PIGN: variants seen among roughly 807,000 people sequenced by gnomAD.
PIGN encodes phosphatidylinositol glycan anchor biosynthesis class N.
In PIGN, 117 loss-of-function variants were observed where a neutral mutation model predicts 125.4. The observed-to-expected ratio is 0.93, with a 90% CI of 0.80 to 1.09. The LOEUF (loss-of-function observed/expected upper bound fraction) is 1.09, where lower values mean the gene tolerates loss of function less well. Ranked by LOEUF, PIGN falls within the 50% of genes least tolerant of loss-of-function variation. The probability of loss-of-function intolerance (pLI) is 0.00; values close to 1 mark genes in which losing one functional copy is unlikely to be tolerated. For missense variants in PIGN, 1,075 were observed against 1,094.9 expected (o/e 0.98, Z 0.26); for synonymous variants, 392 against 377.8 (o/e 1.04, Z -0.44).
In PIGN at chr18:62,044,230, A is replaced by G. The variant is rs182920425; in HGVS notation, c.*1626T>C. ...ATAAAAAAACTGAGCACCCTTTACAATGTTGTAATAAAATATTTATTAATT... is the reference window on the plus strand; with the variant it reads ...ATAAAAAAACTGAGCACCCTTTACAGTGTTGTAATAAAATATTTATTAATT... On this transcript the variant is annotated 3_prime_UTR_variant, in exon 31 of 31. Coordinates refer to ENST00000640252, the MANE Select transcript of PIGN (RefSeq NM_176787.5). The G allele has an allele frequency of 2.0e-5, 3 of 152,340 alleles. No individual in the cohort carries two copies. Among genetic ancestry groups the G allele is most frequent in the African/African-American group, 7.2e-5 (3 of 41,586 alleles). The allele number at this position is 152,340 out of a possible 1,614,324, so 9.4% of individuals were successfully genotyped here.
chr18:62,069,232 TA>T (rs10711178), intron 30 of PIGN, among the ~76,000 whole-genome samples: 4,551 of 152,314 alleles, frequency 0.03, 221 homozygotes, highest in African/African-American at 0.1. Context: ...TCAAGCTAAT[TA>T]AAGAAAATCT....
At chr18:62,154,702 A>G (rs2036660620) in intron 6 of PIGN, 51 bp from the exon 7 acceptor site, 1 of 868,538 alleles carries the variant, frequency 1.2e-6, no homozygotes, top group Non-Finnish European at 1.9e-6. Flanking sequence ...CTTTTAAACT[A>G]TCATAAAATA....
chr18:62,134,666 T>C (rs2147068703), intron 14 of PIGN, among the ~76,000 whole-genome samples: 1 of 152,334 alleles, frequency 6.6e-6, no homozygotes, highest in East Asian at 1.9e-4. Context: ...CACATGACTA[T>C]TTAAATACTG....
At chr18:62,038,919 AAATAAT>A (rs10601031), downstream of PIGN, among the ~76,000 whole-genome samples, 4,924 of 144,702 alleles carry the variant, frequency 0.034, 149 homozygotes, top group African/African-American at 0.076. Context: ...CCCTGTCTCA[AAATAAT>A]AATAATAATA....
chr18:62,057,248 T>G (rs1171583306), intron 30 of PIGN, among the ~76,000 whole-genome samples: 1 of 152,124 alleles, frequency 6.6e-6, no homozygotes, highest in African/African-American at 2.4e-5. Flanking sequence ...AATTTAAATT[T>G]TATATATGCA....
chr18:62,129,824 G>T (rs976935094), intron 14 of PIGN, among the ~76,000 whole-genome samples: 1 of 152,174 alleles, frequency 6.6e-6, no homozygotes, highest in Non-Finnish European at 1.5e-5. Context: ...AATTTCTGTT[G>T]AGAGTTAAAT....
At chr18:62,152,855 T>TAC (rs2147408082) in intron 7 of PIGN, among the ~76,000 whole-genome samples, 1 of 62,956 alleles carries the variant, frequency 1.6e-5, no homozygotes, top group South Asian at 6.9e-4. Flanking sequence ...ATTTTGCATA[T>TAC]ATATATATAT....
chr18:62,138,244 T>G lies in PIGN; in HGVS notation c.1171A>C (p.Lys391Gln), dbSNP rs1376643986. ...VTLPFLFTPF[K>Q]LLSDSKQFNI... ...AATAAAAAAATGTAAGGGACTTACT[T>G]AAATGGTGTAAACAAAAATGGTAAA... Residue 391 changes from lysine (K) to glutamine (Q), a missense_variant and splice_region_variant, in exon 14 of 31, where the codon AAA becomes CAA. Physicochemically the swap from Lys to Gln is moderately conservative, Grantham distance 53 (BLOSUM62 1). Transcript: ENST00000640252. 1 of 1,546,794 alleles carries G rather than the reference T, an allele frequency of 6.5e-7. No homozygotes were observed. The highest frequency in any genetic ancestry group is 8.7e-7 in the Non-Finnish European group (1 of 1,145,640).
At chr18:62,037,001 T>A (rs140834185), downstream of PIGN, among the ~76,000 whole-genome samples, 1 of 152,324 alleles carries the variant, frequency 6.6e-6, no homozygotes, top group African/African-American at 2.4e-5. Context: ...ATCCCCACTC[T>A]GCTTGACTAG....
At chr18:62,175,588 T>C (rs114167886) in intron 1 of PIGN, among the ~76,000 whole-genome samples, 10 of 152,222 alleles carry the variant, frequency 6.6e-5, no homozygotes, top group African/African-American at 2.4e-4. Flanking sequence ...CTCACCTCAT[T>C]ATGGCATCCC....
intron 30 of PIGN, chr18:62,072,357 G>GT (rs2032928686): frequency 5.4e-6 from 1 of 185,278 alleles, no homozygotes; most frequent in South Asian, 1.9e-4. Flanking sequence ...TCCATTCATG[G>GT]TAAGTGTCCT....
intron 1 of PIGN, among the ~76,000 whole-genome samples, chr18:62,185,782 T>C (rs1348186824): frequency 1.4e-5 from 2 of 141,640 alleles, no homozygotes; most frequent in African/African-American, 5.1e-5. Context: ...CTTTACCTTT[T>C]CAGATCATAA....
chr18:62,180,217 A>C (rs1332559092), intron 1 of PIGN, among the ~76,000 whole-genome samples: 1 of 152,226 alleles, frequency 6.6e-6, no homozygotes, highest in Non-Finnish European at 1.5e-5. Context: ...AAAATATAGA[A>C]TATATCACAT....
chr18:62,184,581 T>C (rs985016617), intron 1 of PIGN: 2 of 152,176 alleles, frequency 1.3e-5, no homozygotes, highest in African/African-American at 4.8e-5. Context: ...AAGTTCATGG[T>C]TATAGGATAG....
At chr18:62,078,666 A>G (rs2033296813) in intron 28 of PIGN, among the ~76,000 whole-genome samples, 1 of 152,252 alleles carries the variant, frequency 6.6e-6, no homozygotes, top group Admixed American at 6.5e-5. Flanking sequence ...TGCTCTAAAT[A>G]CAATAATTTT....
intron 23 of PIGN, among the ~76,000 whole-genome samples, chr18:62,091,001 T>C (rs1788073): frequency 0.23 from 34,743 of 152,064 alleles, 4,143 homozygotes; most frequent in Non-Finnish European, 0.27. Context: ...TTTGACCTTA[T>C]TGATAACATA....
intron 10 of PIGN, among the ~76,000 whole-genome samples, 189 bp from the exon 11 acceptor site, chr18:62,143,535 A>C (rs1301635197): frequency 1.3e-5 from 2 of 152,230 alleles, no homozygotes; most frequent in Admixed American, 6.5e-5. Flanking sequence ...AAAAAACAAA[A>C]AGTAAATATT....
At chr18:62,103,260 T>C (rs2034514883) in intron 20 of PIGN, among the ~76,000 whole-genome samples, 1 of 152,166 alleles carries the variant, frequency 6.6e-6, no homozygotes. Context: ...ATTTACAATA[T>C]AAAAGATAGC....
chr18:62,036,479 C>T (rs893736259), downstream of PIGN, among the ~76,000 whole-genome samples: 6 of 152,208 alleles, frequency 3.9e-5, no homozygotes, highest in African/African-American at 1.4e-4. Context: ...AGGTAACTAG[C>T]AATGCTTGCC....
Sources: allele counts gnomAD v4.1 joint callset (sites outside exome capture counted in the v4.1 genomes callset), GRCh38; gene constraint gnomAD v4.1.1; transcripts MANE v1.5; gene names NCBI Gene and HGNC (gene_info 2026-07-23, HGNC 2026-07-21).